Variants in KCNN2 observed in about 807,000 individuals in gnomAD.
KCNN2 encodes the protein potassium calcium-activated channel subfamily N member 2.
Under a neutral mutation model 55.5 loss-of-function variants are expected in KCNN2, and 24 were observed. The observed-to-expected ratio is 0.43, with a 90% CI of 0.31 to 0.61. The LOEUF is 0.61. KCNN2 is among the 20% of genes least tolerant of loss of function. The probability of loss-of-function intolerance (pLI) is 0.08; values close to 1 mark genes in which losing one functional copy is unlikely to be tolerated. For synonymous variants in KCNN2, 431 were observed against 336.1 expected (o/e 1.28, Z -3.09); for missense variants, 754 against 853.6 (o/e 0.88, Z 1.45).
chr5:114,423,104 T>C (rs1759517558), intron 3 of KCNN2, among the ~76,000 whole-genome samples: 1 of 152,222 alleles, frequency 6.6e-6, no homozygotes, highest in African/African-American at 2.4e-5. Flanking sequence ...CAAATTTTCA[T>C]GGAGTACTAT....
intron 2 of KCNN2, among the ~76,000 whole-genome samples, chr5:114,329,538 G>C (rs1024277429): frequency 1.3e-5 from 2 of 152,118 alleles, no homozygotes; most frequent in African/African-American, 2.4e-5. Context: ...TTACACCAGT[G>C]GTTGGTCAGG....
chr5:114,251,682 T>G (rs1206333908), intron 2 of KCNN2, among the ~76,000 whole-genome samples: 1 of 152,144 alleles, frequency 6.6e-6, no homozygotes, highest in East Asian at 1.9e-4. Context: ...CCACCTGAAC[T>G]GTTATATTTT....
At position 114,102,407 on chromosome 5, in the gene KCNN2, G is replaced by C. The variant is rs549062952; in HGVS notation, c.-271+45907G>C. ...AGATTGCCTGTTCACTCTAATGATA[G>C]TTTCTTTTGCTGTGCAGAAGCTCTT... On this transcript the variant is annotated intron_variant, in intron 1 of 10. Transcript: ENST00000512097. Among the ~76,000 whole-genome samples the C allele has an allele frequency of 2.6e-5, 4 of 152,100 alleles. No homozygotes were observed. In the East Asian group the frequency reaches 5.8e-4, roughly 22 times the overall value.
intron 1 of KCNN2, among the ~76,000 whole-genome samples, chr5:114,206,526 C>T (rs548438765): frequency 2.0e-5 from 3 of 152,112 alleles, no homozygotes; most frequent in Admixed American, 1.3e-4. Context: ...AGCATGAAAT[C>T]CAGGTCATTT....
intron 2 of KCNN2, among the ~76,000 whole-genome samples, chr5:114,256,336 A>G (rs1278862436): frequency 6.6e-6 from 1 of 152,192 alleles, no homozygotes. Flanking sequence ...ACTACAATCA[A>G]CATATGAGTG....
chr5:114,439,326 G>T (rs567263967), intron 3 of KCNN2, among the ~76,000 whole-genome samples: 1 of 152,238 alleles, frequency 6.6e-6, no homozygotes, highest in African/African-American at 2.4e-5. Flanking sequence ...GAAAACTGCA[G>T]TAAGAATATA....
At chr5:114,460,162 C>G (rs954081855) in intron 3 of KCNN2, among the ~76,000 whole-genome samples, 1 of 152,148 alleles carries the variant, frequency 6.6e-6, no homozygotes, top group African/African-American at 2.4e-5. Context: ...CTTTGTTTAT[C>G]GTATGAAATC....
intron 2 of KCNN2, among the ~76,000 whole-genome samples, chr5:114,236,922 T>C (rs1198642398): frequency 3.9e-5 from 6 of 152,184 alleles, no homozygotes; most frequent in African/African-American, 9.7e-5. Flanking sequence ...ATATTTTGCA[T>C]GTTACTAGTT....
At chr5:114,299,408 C>G (rs1026238360) in intron 2 of KCNN2, among the ~76,000 whole-genome samples, 1 of 152,150 alleles carries the variant, frequency 6.6e-6, no homozygotes, top group African/African-American at 2.4e-5. Flanking sequence ...TTTTCCTTAT[C>G]AGTGCTGAGT....
chr5:114,172,547 A>G (rs1418030779), intron 1 of KCNN2, among the ~76,000 whole-genome samples: 2 of 150,682 alleles, frequency 1.3e-5, no homozygotes, highest in Non-Finnish European at 3.0e-5. Flanking sequence ...ATACTGCATC[A>G]TGGAAGCTTT....
intron 2 of KCNN2, among the ~76,000 whole-genome samples, chr5:114,345,080 A>C (rs1229099727): frequency 2.0e-5 from 3 of 152,300 alleles, no homozygotes; most frequent in East Asian, 1.9e-4. Flanking sequence ...TGAATGTCCC[A>C]AAATAAGAGA....
At chr5:114,466,538 A>G (rs757461866) in intron 4 of KCNN2, among the ~76,000 whole-genome samples, 5 of 152,144 alleles carry the variant, frequency 3.3e-5, no homozygotes, top group African/African-American at 4.8e-5. Flanking sequence ...CTATGAATAT[A>G]TATGATTGTT....
intron 2 of KCNN2, among the ~76,000 whole-genome samples, chr5:114,398,395 CTG>C (rs762812725): frequency 2.0e-5 from 3 of 151,518 alleles, no homozygotes; most frequent in Non-Finnish European, 2.9e-5. Context: ...AACTATGTGT[CTG>C]TTTTTGTACC....
chr5:114,421,368 G>A (rs987608952), intron 3 of KCNN2, among the ~76,000 whole-genome samples: 3 of 152,078 alleles, frequency 2.0e-5, no homozygotes, highest in African/African-American at 4.8e-5. Context: ...CCAGCTCACT[G>A]CAACCACCAC....
chr5:114,345,711 C>T (rs753246068), intron 2 of KCNN2, among the ~76,000 whole-genome samples: 3 of 152,162 alleles, frequency 2.0e-5, no homozygotes, highest in Non-Finnish European at 2.9e-5. Flanking sequence ...TTAATTGGCT[C>T]ACAGTTCTGC....
At chr5:114,285,439 C>G (rs1026123726) in intron 2 of KCNN2, among the ~76,000 whole-genome samples, 1 of 151,836 alleles carries the variant, frequency 6.6e-6, no homozygotes, top group Non-Finnish European at 1.5e-5. Context: ...AACATAAAAT[C>G]AAGACTGTGA....
At chr5:114,258,256 T>A (rs1274612821) in intron 2 of KCNN2, among the ~76,000 whole-genome samples, 1 of 152,188 alleles carries the variant, frequency 6.6e-6, no homozygotes, top group African/African-American at 2.4e-5. Context: ...AGCATTTTGT[T>A]GAGGATTTGT....
chr5:114,345,490 C>T (rs748097979), intron 2 of KCNN2, among the ~76,000 whole-genome samples: 2 of 152,136 alleles, frequency 1.3e-5, no homozygotes, highest in African/African-American at 4.8e-5. Context: ...TAATTAAAAT[C>T]AACCAGGATG....
At chr5:114,131,296 G>T (rs2112612054) in intron 1 of KCNN2, among the ~76,000 whole-genome samples, 1 of 152,180 alleles carries the variant, frequency 6.6e-6, no homozygotes. Context: ...CCACCAACGG[G>T]TCTCAGTGTG....
Sources: allele counts gnomAD v4.1 joint callset (sites outside exome capture counted in the v4.1 genomes callset), GRCh38; gene constraint gnomAD v4.1.1; transcripts MANE v1.5; gene names NCBI Gene and HGNC (gene_info 2026-07-23, HGNC 2026-07-21).